Variants in LMNB1 observed in about 807,000 individuals in gnomAD.
LMNB1 encodes lamin B1.
In LMNB1, 23 loss-of-function variants were observed where a neutral mutation model predicts 67.1. The observed-to-expected ratio is 0.34, with a 90% confidence interval of 0.25 to 0.49. The LOEUF (loss-of-function observed/expected upper bound fraction) is 0.49. Ranked by LOEUF, LMNB1 falls within the 20% of genes least tolerant of loss-of-function variation. LMNB1 has a pLI of 0.99. For missense variants in LMNB1, 634 were observed against 746.5 expected (o/e 0.85, Z 1.76); for synonymous variants, 281 against 282.9 (o/e 0.99, Z 0.07).
intron 5 of LMNB1, among the ~76,000 whole-genome samples, chr5:126,817,721 T>A (rs552978106): frequency 1.3e-5 from 2 of 152,348 alleles, no homozygotes; most frequent in South Asian, 4.1e-4. Flanking sequence ...AAAAGTAAAT[T>A]TACCAGCAAG....
chr5:126,833,213 CAA>C (rs530530706), intron 10 of LMNB1, among the ~76,000 whole-genome samples: 16 of 152,248 alleles, frequency 1.1e-4, no homozygotes, highest in African/African-American at 2.9e-4. Flanking sequence ...CAGTGTGAAA[CAA>C]AATTCTTGCT....
chr5:126,777,930 A>G, intron 1 of LMNB1, 63 bp downstream of exon 1: 9 of 1,369,048 alleles, frequency 6.6e-6, no homozygotes, highest in Non-Finnish European at 6.6e-6. Flanking sequence ...CGCGGCGACC[A>G]GCTCACCGGG....
intron 7 of LMNB1, among the ~76,000 whole-genome samples, chr5:126,821,670 T>TA (rs1437228124): frequency 5.9e-5 from 9 of 152,222 alleles, no homozygotes; most frequent in Non-Finnish European, 1.3e-4. Context: ...GAAGTATTCA[T>TA]AGCAGAGATT....
rs773117636 is a variant in LMNB1, at chr5:126,805,660, T to C, written c.606T>C (p.Thr202=). ...VDLENRCQSL[T]EDLEFRKSMY... ...TGGAGAATCGTTGTCAGAGCCTTAC[T>C]GAGGACTTGGAGTTTCGCAAAAGCA... Residue 202 remains threonine (T), a synonymous_variant, in exon 3 of 11, where the codon ACT becomes ACC. Transcript: ENST00000261366. 28 of 1,612,698 alleles carry C rather than the reference T, an allele frequency of 1.7e-5. No homozygotes were observed. The highest frequency in any genetic ancestry group is 1.6e-4 in the Middle Eastern group (1 of 6,080).
At chr5:126,787,521 G>C (rs1383383571) in intron 1 of LMNB1, among the ~76,000 whole-genome samples, 1 of 108,680 alleles carries the variant, frequency 9.2e-6, no homozygotes, top group Non-Finnish European at 1.8e-5. Context: ...TGTGTGTGTG[G>C]GGGTATATAT....
In LMNB1 at chr5:126,820,960, C is replaced by A; in HGVS notation, c.1211C>A (p.Ser404Tyr). 2 of 1,614,138 alleles carry A rather than the reference C, an allele frequency of 1.2e-6. No homozygotes were observed. The highest frequency in any genetic ancestry group is 1.7e-6 in the Non-Finnish European group (2 of 1,180,026). Residue 404 changes from serine (S) to tyrosine (Y), a missense_variant, in exon 7 of 11, where the codon TCC (serine) becomes TAC (tyrosine). Ser to Tyr is a moderately radical substitution (Grantham distance 144). Coordinates refer to ENST00000261366, the MANE Select transcript of LMNB1 (RefSeq NM_005573.4). Reference protein sequence around the residue: ...PSSRVTVSRASSSRSVRTTRG... With the variant: ...PSSRVTVSRAYSSRSVRTTRG... ...TCCCGTGTGACAGTATCCCGAGCAT[C>A]CTCAAGTCGTAGTGTACGTACAACT...
intron 5 of LMNB1, among the ~76,000 whole-genome samples, chr5:126,814,424 G>A (rs748840275): frequency 1.3e-5 from 2 of 152,114 alleles, no homozygotes; most frequent in Non-Finnish European, 2.9e-5. Flanking sequence ...ACTGTGCTTT[G>A]GATGAGGAGA....
chr5:126,836,155 T>C (rs1283420940), intron 10 of LMNB1, 68 bp from the exon 11 acceptor site: 2 of 1,231,590 alleles, frequency 1.6e-6, no homozygotes, highest in Non-Finnish European at 2.4e-6. Context: ...TTAAAAGTTT[T>C]TGTCTTATTT....
intron 1 of LMNB1, among the ~76,000 whole-genome samples, chr5:126,785,293 TA>T (rs199870042): frequency 0.013 from 1,598 of 125,464 alleles, 31 homozygotes; most frequent in African/African-American, 0.045. Context: ...GCCTAAAAAT[TA>T]ATTTTTTTTT....
At chr5:126,812,717 ACTTTTTTT>A (rs1480915671) in intron 5 of LMNB1, among the ~76,000 whole-genome samples, 2 of 110,276 alleles carry the variant, frequency 1.8e-5, no homozygotes, top group Non-Finnish European at 3.7e-5. Flanking sequence ...ACTTTATTTT[ACTTTTTTT>A]TTTTTTTTTT....
intron 8 of LMNB1, 125 bp downstream of exon 8, chr5:126,823,010 A>G: frequency 1.5e-6 from 1 of 655,174 alleles, no homozygotes; most frequent in Non-Finnish European, 2.7e-6. Context: ...TTATATTATT[A>G]GGGCATTACA....
At chr5:126,800,982 A>ATATATATATATATAATTTTTTTTTT in intron 1 of LMNB1, among the ~76,000 whole-genome samples, 1 of 18,638 alleles carries the variant, frequency 5.4e-5, no homozygotes, top group African/African-American at 1.7e-4. Context: ...TATATATATA[A>ATATATATATATATAATTTTTTTTTT]TTTTTTTTTT....
intron 1 of LMNB1, among the ~76,000 whole-genome samples, chr5:126,800,644 CTTTTTTTT>C: frequency 1.9e-5 from 1 of 53,930 alleles, no homozygotes; most frequent in African/African-American, 7.5e-5. Flanking sequence ...ACTGTATCTT[CTTTTTTTT>C]TTTTTTTTTT....
intron 1 of LMNB1, among the ~76,000 whole-genome samples, chr5:126,787,546 A>ATATATATATATATATATTTTT: frequency 3.1e-5 from 2 of 65,570 alleles, no homozygotes; most frequent in South Asian, 5.6e-4. Context: ...ATATATATAT[A>ATATATATATATATATATTTTT]TTTTTTTTTT....
At chr5:126,814,751 T>C (rs1193227895) in intron 5 of LMNB1, among the ~76,000 whole-genome samples, 1 of 152,148 alleles carries the variant, frequency 6.6e-6, no homozygotes, top group Non-Finnish European at 1.5e-5. Context: ...GTTAGCCAGG[T>C]TGGTTTCAAA....
chr5:126,831,547 C>T (rs1318685406), intron 9 of LMNB1, among the ~76,000 whole-genome samples: 2 of 152,190 alleles, frequency 1.3e-5, no homozygotes, highest in Non-Finnish European at 2.9e-5. Flanking sequence ...CAGTGTTCAT[C>T]TGTCTTGATT....
chr5:126,833,084 T>G (rs1274003812), intron 10 of LMNB1, among the ~76,000 whole-genome samples: 1 of 152,230 alleles, frequency 6.6e-6, no homozygotes, highest in African/African-American at 2.4e-5. Context: ...TGTCTATGGA[T>G]TGGATGTTTA....
intron 1 of LMNB1, among the ~76,000 whole-genome samples, chr5:126,785,480 C>CTT (rs111537827): frequency 5.5e-4 from 75 of 137,434 alleles, no homozygotes; most frequent in Non-Finnish European, 9.8e-4. Context: ...TTTTCTTTTT[C>CTT]TTTTTTTTTT....
chr5:126,785,822 T>C (rs1254686193), intron 1 of LMNB1, among the ~76,000 whole-genome samples: 1 of 151,904 alleles, frequency 6.6e-6, no homozygotes, highest in Non-Finnish European at 1.5e-5. Flanking sequence ...GAGACCAGCC[T>C]GGCCAACATG....
Sources: gnomAD v4.1 joint callset for allele counts (sites outside exome capture counted in the v4.1 genomes callset) on GRCh38, gnomAD v4.1.1 for gene constraint, MANE v1.5 for transcripts, NCBI Gene and HGNC (gene_info 2026-07-23, HGNC 2026-07-21) for gene names.